PSG3: variants seen among roughly 807,000 people sequenced by gnomAD.
The protein encoded by PSG3 is pregnancy-specific beta-1-glycoprotein 3.
In PSG3, 61 loss-of-function variants were observed where a neutral mutation model predicts 47.5. That is an observed-to-expected ratio of 1.28 (90% CI 1.05 to 1.59). The LOEUF is 1.59. Among genes scored for constraint, PSG3 ranks in the 40% most tolerant of loss-of-function variants. The probability of loss-of-function intolerance (pLI) is 0.00; values close to 1 mark genes in which losing one functional copy is unlikely to be tolerated. For synonymous variants in PSG3, 263 were observed against 198.4 expected, an observed-to-expected ratio of 1.33 and a Z score of -2.74; for missense variants, 756 against 524.0, an observed-to-expected ratio of 1.44 and a Z score of -4.32.
chr19:42,734,677 A>T (rs990143874), intron 2 of PSG3, among the ~76,000 whole-genome samples: 5 of 152,220 alleles, frequency 3.3e-5, no homozygotes, highest in African/African-American at 1.2e-4. Flanking sequence ...TCAAAGAAAG[A>T]TGCCAAAGGT....
rs1330839396 is a variant in PSG3 at position 42,729,379 on chromosome 19, T to G, written c.989-2A>C. The G allele has an allele frequency of 4.3e-6, 7 of 1,610,356 alleles. No homozygotes were observed. In the East Asian group the frequency reaches 6.7e-5, roughly 15 times the overall value. ...AAATTCTGGGGAGGTCTGGACCATC[T>G]GGAGCAAAGAGAATAAAGCCACAGG... is the stretch of plus-strand genomic sequence containing the variant. On this transcript the variant is annotated splice_acceptor_variant, in intron 4 of 6. Coordinates refer to ENST00000327495, the MANE Select transcript of PSG3 (RefSeq NM_021016.4). LOFTEE classifies it high-confidence loss of function.
intron 1 of PSG3, among the ~76,000 whole-genome samples, chr19:42,739,942 C>A (rs1332604112): frequency 6.6e-6 from 1 of 151,288 alleles, no homozygotes; most frequent in Non-Finnish European, 1.5e-5. Context: ...TCCTTTTTTT[C>A]TTTTTTCTTT....
intron 3 of PSG3, among the ~76,000 whole-genome samples, chr19:42,730,355 C>T (rs1031301066): frequency 2.0e-5 from 3 of 152,192 alleles, no homozygotes; most frequent in Non-Finnish European, 2.9e-5. Context: ...CCAGTCCCTC[C>T]ATAATCAGTT....
At chr19:42,734,986 T>C (rs1969538964) in intron 2 of PSG3, among the ~76,000 whole-genome samples, 1 of 152,196 alleles carries the variant, frequency 6.6e-6, no homozygotes, top group South Asian at 2.1e-4. Flanking sequence ...ATGGTTTGTG[T>C]GTCTCCCCAC....
chr19:42,735,040 C>T (rs1234710450), intron 2 of PSG3, among the ~76,000 whole-genome samples: 1 of 152,194 alleles, frequency 6.6e-6, no homozygotes, highest in Admixed American at 6.5e-5. Flanking sequence ...CATGAGGAAA[C>T]AGTTGTATGT....
At chr19:42,736,645 TGTGTGTG>T (rs2122194347) in intron 2 of PSG3, among the ~76,000 whole-genome samples, 1 of 151,736 alleles carries the variant, frequency 6.6e-6, no homozygotes, top group African/African-American at 2.4e-5. Context: ...TGTGTGTGTG[TGTGTGTG>T]TGTGTGTGCA....
At position 42,732,797 on chromosome 19, in the gene PSG3, G is replaced by A. The variant is rs148423393; in HGVS notation, c.696C>T (p.Thr232=). The A allele has an allele frequency of 1.6e-4, 257 of 1,614,102 alleles. No individual in the cohort carries two copies. The African/African-American group carries it at 2.8e-3, about 18-fold the overall frequency. The stretch of plus-strand genomic sequence containing the variant: ...GGAGATACTCACGGAGGAGATTCAG[G>A]GTGACTGGGTCACTGCGGCTGGCAC... The part of the protein sequence containing the change: ...PVSASRSDPV[T]LNLLPKLPKP... The change falls in exon 3 of 7, where the codon ACC becomes ACT. Residue 232 remains threonine (T), a synonymous_variant. Coordinates refer to ENST00000327495, the MANE Select transcript of PSG3 (RefSeq NM_021016.4).
chr19:42,724,149 G>A (rs993292479), intron 5 of PSG3, 124 bp from the exon 6 acceptor site: 2 of 1,414,258 alleles, frequency 1.4e-6, no homozygotes, highest in African/African-American at 1.4e-5. Context: ...CGTTATTTCT[G>A]TTGGAAAATT....
intron 2 of PSG3, among the ~76,000 whole-genome samples, chr19:42,737,664 A>G (rs1969588663): frequency 6.6e-6 from 1 of 152,098 alleles, no homozygotes; most frequent in African/African-American, 2.4e-5. Context: ...GAGCCAATAA[A>G]TGACTATAGG....
rs1035972242 is a variant in PSG3, at chr19:42,734,953, G to T, written c.431-1891C>A. ...CTAGTGTTTAAGTTTGTGTGAATTA[G>T]AAAGAGTCTAAGTGAGATGCCAATG... On this transcript the variant is annotated intron_variant, in intron 2 of 6. Transcript: ENST00000327495. Among the ~76,000 whole-genome samples, 33 of 152,242 alleles carry T rather than the reference G, an allele frequency of 2.2e-4. 1 individual carries two copies. Among genetic ancestry groups the T allele is most frequent in the Admixed American group, 9.1e-4 (14 of 15,304 alleles).
intron 2 of PSG3, among the ~76,000 whole-genome samples, chr19:42,735,320 A>G (rs938781172): frequency 2.6e-5 from 4 of 152,216 alleles, no homozygotes; most frequent in African/African-American, 4.8e-5. Flanking sequence ...TTCCTCAGCT[A>G]TGTTCAGTCT....
At chr19:42,724,130 C>T in intron 5 of PSG3, 105 bp from the exon 6 acceptor site, 1 of 1,459,638 alleles carries the variant, frequency 6.9e-7, no homozygotes, top group Non-Finnish European at 9.4e-7. Flanking sequence ...ATTGTTTCTT[C>T]AAGGACTACG....
chr19:42,737,081 G>T (rs1046386299), intron 2 of PSG3, among the ~76,000 whole-genome samples: 3 of 152,056 alleles, frequency 2.0e-5, no homozygotes, highest in African/African-American at 7.2e-5. Context: ...AGCAGTGAGG[G>T]CTACACTGAC....
intron 5 of PSG3, among the ~76,000 whole-genome samples, chr19:42,725,901 A>AAAAAAAAAAG (rs1568746342): frequency 6.6e-6 from 1 of 150,950 alleles, no homozygotes; most frequent in African/African-American, 2.4e-5. Context: ...AAAAAAAAAA[A>AAAAAAAAAAG]AAAAAAAAGA....
intron 5 of PSG3, 160 bp downstream of exon 5, chr19:42,728,963 G>A: frequency 6.5e-7 from 1 of 1,547,164 alleles, no homozygotes; most frequent in Admixed American, 2.0e-5. Flanking sequence ...GGAGAAGAGA[G>A]TCTGTAGAGA....
chr19:42,740,461 T>G lies in PSG3; in HGVS notation c.-77A>C. 2 of 1,612,242 alleles carry G rather than the reference T, an allele frequency of 1.2e-6. No individual in the cohort carries two copies. The highest frequency in any genetic ancestry group is 1.7e-6 in the Non-Finnish European group (2 of 1,179,214). On this transcript the variant is annotated 5_prime_UTR_variant, in exon 1 of 7. Transcript: ENST00000327495. ...AAACTTCCTGAGCATGGCTCTCAGC[T>G]GTGCTGTCCTTCCTCCTTCTGCGCT...
chr19:42,737,748 T>C (rs1454211156), intron 2 of PSG3, among the ~76,000 whole-genome samples: 6 of 152,198 alleles, frequency 3.9e-5, no homozygotes, highest in Non-Finnish European at 8.8e-5. Flanking sequence ...ACACCTCATG[T>C]GACCCTGATC....
At position 42,739,169 on chromosome 19, in the gene PSG3, G is replaced by T. The variant is rs1969623007; in HGVS notation, c.65-80C>A. ...AGATGTGGCCCTGGGTCCTGAGAAG[G>T]TCTCTTCAATCCTCAGCTTTGAAGA... On this transcript the variant is annotated intron_variant, in intron 1 of 6. Transcript: ENST00000327495. 27 of 1,487,250 alleles carry T rather than the reference G, an allele frequency of 1.8e-5. 1 individual carries two copies. In the South Asian group the frequency reaches 2.9e-4, roughly 16 times the overall value. 92.1% of individuals were successfully genotyped at this position (1,487,250 alleles called of 1,614,324 possible).
rs371336770 is a variant in PSG3 at position 42,739,566 on chromosome 19, C to T, written c.65-477G>A. The T allele has an allele frequency of 1.8e-3, 296 of 167,750 alleles. 3 individuals are homozygous for T. Among genetic ancestry groups the T allele is most frequent in the African/African-American group, 6.6e-3 (275 of 41,748 alleles). 10.4% of individuals were successfully genotyped at this position (167,750 alleles called of 1,614,324 possible). On this transcript the variant is annotated intron_variant, in intron 1 of 6. Coordinates refer to ENST00000327495, the MANE Select transcript of PSG3 (RefSeq NM_021016.4). ...TTCCCCCCCATGACAGCGTGAGCTC[C>T]GTGAGGACAGGGACTTTTGTGATCT...
Sources: allele counts gnomAD v4.1 joint callset (sites outside exome capture counted in the v4.1 genomes callset), GRCh38; gene constraint gnomAD v4.1.1; transcripts MANE v1.5; gene names NCBI Gene and HGNC (gene_info 2026-07-23, HGNC 2026-07-21).